The following ANO3 variants were observed in gnomAD, a reference collection of about 807,000 sequenced individuals.
The protein encoded by ANO3 is anoctamin-3.
Under a neutral mutation model 144.8 loss-of-function variants are expected in ANO3, and 99 were observed. That is an observed-to-expected ratio of 0.68 (90% confidence interval 0.58 to 0.81). ANO3 has a LOEUF of 0.81. Ranked by LOEUF, ANO3 falls within the 30% of genes least tolerant of loss-of-function variation. The pLI is 0.00. For synonymous variants in ANO3, 414 were observed against 392.6 expected (o/e 1.05, Z -0.64); for missense variants, 905 against 1,202.2 (o/e 0.75, Z 3.66).
intron 1 of ANO3, among the ~76,000 whole-genome samples, chr11:26,391,097 G>A (rs1472206809): frequency 6.6e-6 from 1 of 152,028 alleles, no homozygotes; most frequent in African/African-American, 2.4e-5. Flanking sequence ...ACTTGAGACT[G>A]GGACATTTAC....
chr11:26,555,769 A>G (rs1482989289), intron 13 of ANO3, among the ~76,000 whole-genome samples: 2 of 152,156 alleles, frequency 1.3e-5, no homozygotes, highest in East Asian at 1.9e-4. Flanking sequence ...CTATTTTACT[A>G]TATATTTTTG....
chr11:26,630,808 A>T (rs563445423), intron 18 of ANO3, among the ~76,000 whole-genome samples: 1 of 152,290 alleles, frequency 6.6e-6, no homozygotes, highest in African/African-American at 2.4e-5. Flanking sequence ...ACTATGCTGT[A>T]TTAAGTCAAT....
chr11:26,472,993 G>C (rs1051062778), intron 4 of ANO3, among the ~76,000 whole-genome samples: 15 of 151,964 alleles, frequency 9.9e-5, no homozygotes, highest in African/African-American at 3.6e-4. Flanking sequence ...TGCAAACCAG[G>C]ATTCCAGATG....
intron 1 of ANO3, among the ~76,000 whole-genome samples, chr11:26,251,683 T>G (rs1852931046): frequency 6.6e-6 from 1 of 152,150 alleles, no homozygotes; most frequent in South Asian, 2.1e-4. Flanking sequence ...TGACTCACAG[T>G]TCTGCATGGC....
upstream of ANO3, chr11:26,331,881 A>T (rs1855051798): frequency 4.9e-6 from 1 of 205,134 alleles, no homozygotes; most frequent in African/African-American, 2.3e-5. Context: ...GGAAATAAAT[A>T]ACCAGCCTCA....
chr11:26,444,021 A>T (rs1858620406), intron 3 of ANO3, among the ~76,000 whole-genome samples, 185 bp downstream of exon 3: 1 of 152,202 alleles, frequency 6.6e-6, no homozygotes, highest in South Asian at 2.1e-4. Context: ...TCAAATATAT[A>T]GGAGGATTTA....
intron 18 of ANO3, among the ~76,000 whole-genome samples, chr11:26,627,445 A>G (rs979136864): frequency 1.3e-5 from 2 of 152,034 alleles, no homozygotes; most frequent in Admixed American, 6.6e-5. Flanking sequence ...TGCCTGACAC[A>G]TGACAAGTGT....
chr11:26,624,617 A>C, intron 18 of ANO3, 119 bp downstream of exon 18: 1 of 718,468 alleles, frequency 1.4e-6, no homozygotes, highest in Non-Finnish European at 2.3e-6. Context: ...GTATTTACCA[A>C]TTAAAAAGGA....
At chr11:26,379,117 G>A (rs1856506158) in intron 1 of ANO3, among the ~76,000 whole-genome samples, 1 of 152,170 alleles carries the variant, frequency 6.6e-6, no homozygotes, top group African/African-American at 2.4e-5. Context: ...ATATCAATTA[G>A]GAGCCACCCT....
intron 1 of ANO3, among the ~76,000 whole-genome samples, chr11:26,239,033 AAATAT>A (rs1276189407): frequency 7.2e-6 from 1 of 138,922 alleles, no homozygotes; most frequent in Non-Finnish European, 1.6e-5. Flanking sequence ...ATCTAAATAT[AAATAT>A]AATTTAATAT....
At chr11:26,599,028 T>C (rs764315919) in intron 16 of ANO3, 30 bp downstream of exon 16, 2 of 1,606,436 alleles carry the variant, frequency 1.2e-6, no homozygotes, top group South Asian at 1.1e-5. Context: ...ATCAAAATGT[T>C]TTGGGATTCT....
At chr11:26,301,256 A>G (rs1854226520) in intron 1 of ANO3, among the ~76,000 whole-genome samples, 1 of 152,180 alleles carries the variant, frequency 6.6e-6, no homozygotes, top group African/African-American at 2.4e-5. Flanking sequence ...TTCAATTTGG[A>G]ATTTAAAAAC....
chr11:26,559,912 A>C (rs1850220076), intron 14 of ANO3, 133 bp downstream of exon 14: 1 of 680,896 alleles, frequency 1.5e-6, no homozygotes, highest in South Asian at 2.1e-5. Context: ...CTAGGTTGGT[A>C]CTTGATTTGT....
At chr11:26,577,386 G>A (rs537665375) in intron 14 of ANO3, among the ~76,000 whole-genome samples, 27 of 152,056 alleles carry the variant, frequency 1.8e-4, no homozygotes, top group Middle Eastern at 3.4e-3. Context: ...GGGAAACCCC[G>A]TCTGTACTAA....
chr11:26,501,792 G>A (rs1486284312), intron 4 of ANO3, among the ~76,000 whole-genome samples: 1 of 152,176 alleles, frequency 6.6e-6, no homozygotes, highest in Non-Finnish European at 1.5e-5. Flanking sequence ...CACACATACA[G>A]AGACTAGATT....
chr11:26,564,765 A>G lies in ANO3; in HGVS notation c.1447+4986A>G, dbSNP rs1458956429. On this transcript the variant is annotated intron_variant, in intron 14 of 26. Coordinates refer to ENST00000256737, the MANE Select transcript of ANO3 (RefSeq NM_031418.4). ...TATATATATATATATATATATATAT[A>G]TATATATATATATATATATAAGTTC... Among the ~76,000 whole-genome samples, 4 of 101,496 alleles carry G rather than the reference A, an allele frequency of 3.9e-5. No homozygotes were observed. In the East Asian group the frequency reaches 9.9e-4, roughly 25 times the overall value. The allele number at this position is 101,496 out of a possible 152,430, so 66.6% of individuals were successfully genotyped here. A position where few individuals can be genotyped will look rare whatever the true frequency, so the allele number is the denominator to read the frequency against.
At chr11:26,634,389 C>A in intron 19 of ANO3, 74 bp downstream of exon 19, 3 of 954,992 alleles carry the variant, frequency 3.1e-6, no homozygotes, top group South Asian at 3.3e-5. Context: ...GATTACTGTT[C>A]TTACTCAAAT....
At chr11:26,291,056 A>G (rs1297319370) in intron 1 of ANO3, among the ~76,000 whole-genome samples, 1 of 152,178 alleles carries the variant, frequency 6.6e-6, no homozygotes. Context: ...GTCTCTTTGT[A>G]GGTCTCTAAG....
intron 4 of ANO3, among the ~76,000 whole-genome samples, chr11:26,472,708 T>G (rs1859825899): frequency 6.6e-6 from 1 of 151,896 alleles, no homozygotes. Context: ...GAGGCTCCTG[T>G]GCTTAGTTAG....
Sources: gnomAD v4.1 joint callset for allele counts (sites outside exome capture counted in the v4.1 genomes callset) on GRCh38, gnomAD v4.1.1 for gene constraint, MANE v1.5 for transcripts, NCBI Gene and HGNC (gene_info 2026-07-23, HGNC 2026-07-21) for gene names.